REV1: variants seen among roughly 807,000 people sequenced by gnomAD.
REV1 encodes the protein REV1 DNA directed polymerase, also known as translesion synthesis protein REV1.
A neutral mutation model predicts 137.4 loss-of-function variants in REV1; 42 were observed. The ratio of observed to expected loss-of-function variants is 0.31; its 90% confidence interval spans 0.24 to 0.40. The LOEUF is 0.40. REV1 is among the 10% of genes least tolerant of loss of function. REV1 has a pLI of 1.00. For synonymous variants in REV1, 524 were observed against 519.2 expected (o/e 1.01, Z -0.12); for missense variants, 1,282 against 1,490.1 (o/e 0.86, Z 2.30).
chr2:99,421,231 A>C (rs1048460953), intron 11 of REV1, among the ~76,000 whole-genome samples: 3 of 139,654 alleles, frequency 2.1e-5, no homozygotes, highest in Non-Finnish European at 3.3e-5. Flanking sequence ...CACTTTTGGG[A>C]AAAAAAAAAC....
chr2:99,476,315 T>C (rs963423207), intron 1 of REV1, among the ~76,000 whole-genome samples: 1 of 152,030 alleles, frequency 6.6e-6, no homozygotes, highest in Non-Finnish European at 1.5e-5. Flanking sequence ...CCCAACACTT[T>C]AGGAGGCTGA....
chr2:99,484,198 G>A (rs1686911583), intron 1 of REV1, among the ~76,000 whole-genome samples: 1 of 152,108 alleles, frequency 6.6e-6, no homozygotes, highest in African/African-American at 2.4e-5. Context: ...CGCAAAGAAG[G>A]GAGCAATAGA....
At chr2:99,406,237 A>G (rs940248358) in intron 16 of REV1, 88 bp downstream of exon 16, 3 of 1,458,794 alleles carry the variant, frequency 2.1e-6, no homozygotes, top group African/African-American at 1.4e-5. Context: ...TTAAAATCAC[A>G]TAAAGCTGTG....
At chr2:99,436,727 G>C (rs1332004205) in intron 6 of REV1, 1 of 152,174 alleles carries the variant, frequency 6.6e-6, no homozygotes, top group Non-Finnish European at 1.5e-5. Context: ...GGCACAAGCA[G>C]AGCTTTCCTC....
chr2:99,423,637 T>C (rs1282003918), intron 10 of REV1, among the ~76,000 whole-genome samples: 1 of 152,200 alleles, frequency 6.6e-6, no homozygotes, highest in Non-Finnish European at 1.5e-5. Context: ...TTAATCACCT[T>C]TTCTCAAGCC....
intron 3 of REV1, among the ~76,000 whole-genome samples, chr2:99,460,102 T>C (rs1473373388): frequency 6.6e-6 from 1 of 152,092 alleles, no homozygotes; most frequent in African/African-American, 2.4e-5. Flanking sequence ...TCTATTTTCT[T>C]TTTTTCACTC....
In REV1 at chr2:99,418,835, A is replaced by G. The variant is rs1485556326; in HGVS notation, c.1944T>C (p.Asn648=). The G allele has an allele frequency of 1.9e-6, 3 of 1,611,106 alleles. No individual in the cohort carries two copies. Among genetic ancestry groups the G allele is most frequent in the Non-Finnish European group, 2.5e-6 (3 of 1,177,730 alleles). ...DDFIRGQLVT[N]LPGVGHSMES... is the part of the protein sequence containing the mutation. ...TAAAATATTTCTATTTACCTGGTAG[A>G]TTGGTCACTAGCTGGCCTCTGATAA... The change falls in exon 12 of 23, where the codon AAT becomes AAC. Residue 648 remains asparagine, a synonymous_variant. Coordinates refer to ENST00000258428, the MANE Select transcript of REV1 (RefSeq NM_016316.4).
At chr2:99,428,158 C>T (rs528868378) in intron 9 of REV1, among the ~76,000 whole-genome samples, 9 of 152,206 alleles carry the variant, frequency 5.9e-5, no homozygotes, top group Admixed American at 2.6e-4. Flanking sequence ...CAAGGGTAAA[C>T]GGAGCTCGCA....
At chr2:99,439,954 G>A (rs1681266770) in intron 5 of REV1, among the ~76,000 whole-genome samples, 1 of 152,194 alleles carries the variant, frequency 6.6e-6, no homozygotes, top group South Asian at 2.1e-4. Context: ...TGAGCTAACT[G>A]TTGCACAAAT....
intron 1 of REV1, among the ~76,000 whole-genome samples, chr2:99,489,268 G>A (rs1687427189): frequency 6.6e-6 from 1 of 152,214 alleles, no homozygotes; most frequent in African/African-American, 2.4e-5. Flanking sequence ...GGATGCACCG[G>A]GGACGTCGAA....
intron 3 of REV1, among the ~76,000 whole-genome samples, chr2:99,461,713 G>T (rs536340576): frequency 6.6e-6 from 1 of 152,306 alleles, no homozygotes; most frequent in South Asian, 2.1e-4. Context: ...ACAGTTCAGC[G>T]AAAGATAAAA....
In REV1 at chr2:99,421,673, G is replaced by A. The variant is rs368535770; in HGVS notation, c.1677-20C>T. ...GTGTAGCTATCAACACAGAGCAAAG[G>A]CAACGAATCACAGCCACAGCCACCA... is the stretch of plus-strand genomic sequence containing the variant. On this transcript the variant is annotated intron_variant, in intron 10 of 22. Transcript: ENST00000258428. 1.3e-5 allele frequency: 20 copies of A among 1,596,570 alleles called. No individual in the cohort carries two copies. The African/African-American group carries it at 2.0e-4, about 16-fold the overall frequency.
chr2:99,475,741 T>C (rs1222771792), intron 1 of REV1, among the ~76,000 whole-genome samples: 2 of 151,942 alleles, frequency 1.3e-5, no homozygotes, highest in Non-Finnish European at 2.9e-5. Context: ...TCCCAGCACT[T>C]TGGGAGGCCG....
chr2:99,424,234 G>A lies in REV1; in HGVS notation c.1594C>T (p.Leu532=), dbSNP rs752695111. 3.1e-6 allele frequency: 5 copies of A among 1,613,942 alleles called. No homozygotes were observed. The highest frequency in any genetic ancestry group is 4.2e-6 in the Non-Finnish European group (5 of 1,179,860). ...NGMFFGHAKQ[L]CPNLQAVPYD... is the part of the protein sequence containing the mutation. ...GGAACAGCTTGAAGATTAGGACATA[G>A]TTGTTTAGCATGCCCAAAAAACATT... Residue 532 remains leucine (L), a synonymous_variant, in exon 10 of 23, where the codon CTA becomes TTA. Transcript: ENST00000258428.
intron 5 of REV1, among the ~76,000 whole-genome samples, chr2:99,441,932 C>G (rs1271331804): frequency 6.6e-6 from 1 of 152,078 alleles, no homozygotes; most frequent in African/African-American, 2.4e-5. Context: ...CTGACTGTAA[C>G]AGAGCAGGGG....
In REV1 at chr2:99,401,055, T is replaced by A. The variant is rs200611207; in HGVS notation, c.*186A>T. 1 of 394,398 alleles carries A rather than the reference T, an allele frequency of 2.5e-6. No individual in the cohort carries two copies. The highest frequency in any genetic ancestry group is 4.8e-5 in the East Asian group (1 of 20,768). The allele number at this position is 394,398 out of a possible 1,614,324, so 24.4% of individuals were successfully genotyped here. On this transcript the variant is annotated 3_prime_UTR_variant, in exon 23 of 23. Coordinates refer to ENST00000258428, the MANE Select transcript of REV1 (RefSeq NM_016316.4). Reference sequence around the variant, plus strand: ...TAGAATCTATGCTACAGTAAAATAATTAACACAATTATTTACATGCAATAC... The same window carrying A: ...TAGAATCTATGCTACAGTAAAATAAATAACACAATTATTTACATGCAATAC...
intron 7 of REV1, among the ~76,000 whole-genome samples, chr2:99,435,023 T>G (rs1268474432): frequency 6.6e-6 from 1 of 152,130 alleles, no homozygotes; most frequent in Non-Finnish European, 1.5e-5. Context: ...TGTAAAGCAA[T>G]AGCAGGGATA....
Position 99,405,984 on chromosome 2 carries a change from A to G in REV1, c.2737T>C (p.Trp913Arg). The G allele has an allele frequency of 6.2e-7, 1 of 1,614,016 alleles. No individual in the cohort carries two copies. The highest frequency in any genetic ancestry group is 2.2e-5 in the East Asian group (1 of 44,878). ...DTNKAESSGK[W>R]NGLHTPVSVQ... ...CTGACAGGAGTATGTAGACCATTCC[A>G]TTTCCCTGAAGACTCAGCCTTGTTA... Residue 913 changes from tryptophan to arginine, a missense_variant, in exon 17 of 23, where the codon TGG (tryptophan) becomes CGG (arginine). Physicochemically the swap from Trp to Arg is moderately radical, Grantham distance 101. Coordinates refer to ENST00000258428, the MANE Select transcript of REV1 (RefSeq NM_016316.4).
intron 4 of REV1, among the ~76,000 whole-genome samples, chr2:99,444,673 G>A (rs1033610367): frequency 6.6e-6 from 1 of 152,180 alleles, no homozygotes; most frequent in African/African-American, 2.4e-5. Flanking sequence ...GTGAAGTAAT[G>A]TCAGTTATAA....
Sources: allele counts gnomAD v4.1 joint callset (sites outside exome capture counted in the v4.1 genomes callset), GRCh38; gene constraint gnomAD v4.1.1; transcripts MANE v1.5; gene names NCBI Gene and HGNC (gene_info 2026-07-23, HGNC 2026-07-21).